Variants in RFX3 observed in about 807,000 individuals in gnomAD.
The protein encoded by RFX3 is transcription factor RFX3.
RFX3 carries 14 observed loss-of-function variants against 98.6 expected under a neutral mutation model. The ratio of observed to expected loss-of-function variants is 0.14; its 90% confidence interval spans 0.09 to 0.22. The LOEUF (loss-of-function observed/expected upper bound fraction) is 0.22. Ranked by LOEUF, RFX3 falls within the 10% of genes least tolerant of loss-of-function variation. RFX3 has a pLI of 1.00. For missense variants in RFX3, 639 were observed against 926.9 expected, an observed-to-expected ratio of 0.69 and a Z score of 4.03; for synonymous variants, 383 against 328.4, an observed-to-expected ratio of 1.17 and a Z score of -1.80.
chr9:3,441,337 T>C (rs1208838725), intron 1 of RFX3, among the ~76,000 whole-genome samples: 2 of 151,896 alleles, frequency 1.3e-5, no homozygotes, highest in East Asian at 3.9e-4. Flanking sequence ...GAGAGATCCA[T>C]GGGTTAGCAC....
chr9:3,300,815 C>G (rs892614292), intron 5 of RFX3, among the ~76,000 whole-genome samples: 2 of 151,804 alleles, frequency 1.3e-5, no homozygotes, highest in African/African-American at 4.8e-5. Context: ...TCATTGGTTT[C>G]CCACATGAGA....
chr9:3,277,224 G>T, intron 8 of RFX3, 116 bp downstream of exon 8: 1 of 969,700 alleles, frequency 1.0e-6, no homozygotes, highest in Non-Finnish European at 1.6e-6. Context: ...GCATAATTTT[G>T]GCACCAAAAA....
intron 1 of RFX3, among the ~76,000 whole-genome samples, chr9:3,435,316 C>A (rs769797357): frequency 2.6e-4 from 39 of 152,028 alleles, no homozygotes; most frequent in African/African-American, 9.2e-4. Context: ...AGCTTAAACA[C>A]AAATACACTG....
intron 1 of RFX3, chr9:3,453,407 T>C (rs1846849101): frequency 6.6e-6 from 1 of 151,938 alleles, no homozygotes. Flanking sequence ...CTACTTAGAA[T>C]TGAATAATTC....
In RFX3 at chr9:3,330,269, G is replaced by T; in HGVS notation, c.464C>A (p.Ser155Tyr). ...AATTCAAATACTTACTGTCGCTGGG[G>T]AGGCCCGAGTTGTGTGTGTCACTGA... ...GHSVTHTTRA[S>Y]PATIEMAIET... The change falls in exon 4 of 17, where the codon TCC (serine) becomes TAC (tyrosine). Residue 155 changes from serine (S) to tyrosine (Y), a missense_variant. Around this residue, in one of 9 missense-constraint regions of RFX3, gnomAD observed 210 missense variants for 197.7 expected, o/e 1.06. Coordinates refer to ENST00000617270, the MANE Select transcript of RFX3 (RefSeq NM_001282116.2). The T allele has an allele frequency of 6.2e-7, 1 of 1,614,038 alleles. No individual in the cohort carries two copies. Among genetic ancestry groups the T allele is most frequent in the Non-Finnish European group, 8.5e-7 (1 of 1,179,980 alleles).
At chr9:3,452,742 G>A (rs1043443956) in intron 1 of RFX3, among the ~76,000 whole-genome samples, 13 of 152,148 alleles carry the variant, frequency 8.5e-5, no homozygotes, top group African/African-American at 3.1e-4. Flanking sequence ...CTATGTGTAT[G>A]CATTAGCTAT....
At chr9:3,274,204 ACAAG>A (rs1429313306) in intron 9 of RFX3, among the ~76,000 whole-genome samples, 1 of 152,176 alleles carries the variant, frequency 6.6e-6, no homozygotes, top group Non-Finnish European at 1.5e-5. Flanking sequence ...AGTACCCTTG[ACAAG>A]CACTCAGATT....
At chr9:3,301,493 A>C in intron 5 of RFX3, 53 bp downstream of exon 5, 1 of 1,240,496 alleles carries the variant, frequency 8.1e-7, no homozygotes, top group South Asian at 1.4e-5. Flanking sequence ...AGAGGCAAGC[A>C]ACACATGCAG....
intron 1 of RFX3, among the ~76,000 whole-genome samples, chr9:3,450,523 CT>C (rs1846499293): frequency 6.6e-6 from 1 of 151,892 alleles, no homozygotes. Context: ...TTTTTTAAAT[CT>C]TAGATGTCTG....
At chr9:3,386,452 T>C (rs939342564) in intron 2 of RFX3, among the ~76,000 whole-genome samples, 4 of 152,286 alleles carry the variant, frequency 2.6e-5, no homozygotes, top group African/African-American at 9.6e-5. Context: ...AATTATTTTA[T>C]AGAAGAGAAA....
intron 15 of RFX3, among the ~76,000 whole-genome samples, chr9:3,232,733 T>G (rs909405287): frequency 2.6e-5 from 4 of 151,662 alleles, no homozygotes; most frequent in Non-Finnish European, 5.9e-5. Context: ...TATGGTGTTG[T>G]TAGATTTGAG....
chr9:3,234,451 C>A (rs773317899), intron 15 of RFX3, among the ~76,000 whole-genome samples: 3 of 152,128 alleles, frequency 2.0e-5, no homozygotes, highest in Non-Finnish European at 4.4e-5. Context: ...CTAGCCTGGG[C>A]AACATGGCAA....
chr9:3,342,392 G>C (rs541321617), intron 3 of RFX3, among the ~76,000 whole-genome samples: 49 of 152,262 alleles, frequency 3.2e-4, no homozygotes, highest in African/African-American at 1.1e-3. Flanking sequence ...GAGAAGTTAT[G>C]TACTGGAGTT....
intron 5 of RFX3, among the ~76,000 whole-genome samples, chr9:3,298,091 C>CA (rs1432262773): frequency 6.6e-6 from 1 of 151,402 alleles, no homozygotes; most frequent in Non-Finnish European, 1.5e-5. Flanking sequence ...AAATTAGAAA[C>CA]AAAAATATTT....
chr9:3,325,395 T>C (rs1254546173), intron 4 of RFX3, among the ~76,000 whole-genome samples: 1 of 152,002 alleles, frequency 6.6e-6, no homozygotes, highest in African/African-American at 2.4e-5. Context: ...TCCAAATAAT[T>C]AAATAAATTA....
chr9:3,290,519 G>C (rs1211444448), intron 6 of RFX3, among the ~76,000 whole-genome samples: 5 of 152,094 alleles, frequency 3.3e-5, no homozygotes, highest in Non-Finnish European at 5.9e-5. Context: ...TAACTACAGA[G>C]CCACCAGCGA....
intron 1 of RFX3, among the ~76,000 whole-genome samples, chr9:3,499,120 A>G (rs1851310266): frequency 6.6e-6 from 1 of 152,124 alleles, no homozygotes; most frequent in African/African-American, 2.4e-5. Flanking sequence ...CAAACAATGA[A>G]CAGATTATCA....
intron 2 of RFX3, among the ~76,000 whole-genome samples, chr9:3,366,694 C>CTTTCTTTCT (rs1837149747): frequency 1.2e-4 from 1 of 8,316 alleles, no homozygotes; most frequent in South Asian, 5.3e-3. Context: ...TCTTTCTTTC[C>CTTTCTTTCT]TTTCTTTCTT....
At chr9:3,382,853 G>A (rs1033977136) in intron 2 of RFX3, among the ~76,000 whole-genome samples, 2 of 152,064 alleles carry the variant, frequency 1.3e-5, no homozygotes, top group African/African-American at 2.4e-5. Context: ...TGACTATAAA[G>A]TGGTTTAAAC....
Sources: gnomAD v4.1 joint callset for allele counts (sites outside exome capture counted in the v4.1 genomes callset) on GRCh38, gnomAD v4.1.1 for gene constraint, gnomAD v4.1.1 regional missense constraint, MANE v1.5 for transcripts, NCBI Gene and HGNC (gene_info 2026-07-23, HGNC 2026-07-21) for gene names.